HIVEP3: variants seen among roughly 807,000 people sequenced by gnomAD.
HIVEP3 encodes the protein HIVEP zinc finger 3.
In HIVEP3, 49 loss-of-function variants were observed where a neutral mutation model predicts 152.8. The observed-to-expected ratio is 0.32, with a 90% CI of 0.26 to 0.41. HIVEP3 has a LOEUF of 0.41. HIVEP3 is among the 10% of genes least tolerant of loss of function. The pLI is 1.00. For missense variants in HIVEP3, 2,790 were observed against 3,103.3 expected, an observed-to-expected ratio of 0.90 and a Z score of 2.40; for synonymous variants, 1,269 against 1,289.0, an observed-to-expected ratio of 0.98 and a Z score of 0.33.
rs149517891 is a variant in HIVEP3, at chr1:41,582,489, G to A, written c.2309C>T (p.Pro770Leu). ...GGGAGTCCTTGGCTGGAAGCCCGTG[G>A]GTCCCTCCAAGGAGGGCACTGATTT... Reference protein sequence around the residue: ...PSKSVPSLEGPTGFQPRTPKP... With the variant: ...PSKSVPSLEGLTGFQPRTPKP... The change falls in exon 4 of 9, where the codon CCC becomes CTC. Residue 770 changes from proline to leucine, a missense_variant. By Grantham distance (98) the Pro-to-Leu change is moderately conservative (BLOSUM62 -3). Coordinates refer to ENST00000372583, the MANE Select transcript of HIVEP3 (RefSeq NM_024503.5). The surrounding 1 kb of genome is among the most constrained non-coding windows in gnomAD (Gnocchi z 4.7). The A allele has an allele frequency of 4.8e-5, 78 of 1,612,996 alleles. No individual in the cohort carries two copies. Among genetic ancestry groups the A allele is most frequent in the Non-Finnish European group, 6.4e-5 (75 of 1,179,276 alleles).
At chr1:41,895,645 C>G (rs981953825) in intron 1 of HIVEP3, among the ~76,000 whole-genome samples, 1 of 152,158 alleles carries the variant, frequency 6.6e-6, no homozygotes, top group South Asian at 2.1e-4. Context: ...GGACCCCCCG[C>G]AGGCCCAAGG....
chr1:41,884,167 C>T (rs749976366), intron 1 of HIVEP3, among the ~76,000 whole-genome samples: 5 of 152,184 alleles, frequency 3.3e-5, no homozygotes, highest in South Asian at 2.1e-4. Context: ...GGTTTCATCA[C>T]GTTGGCCAGG....
intron 2 of HIVEP3, among the ~76,000 whole-genome samples, chr1:41,643,848 C>T (rs1645415593): frequency 1.3e-5 from 2 of 150,670 alleles, no homozygotes; most frequent in Non-Finnish European, 3.0e-5. Flanking sequence ...CTCTGCCCAC[C>T]CCCCTCACCC....
intron 1 of HIVEP3, among the ~76,000 whole-genome samples, chr1:41,925,572 G>A (rs1644963920): frequency 1.3e-5 from 2 of 152,122 alleles, no homozygotes; most frequent in African/African-American, 2.4e-5. Flanking sequence ...GGGTGGCAGA[G>A]GCATAAGAAA....
intron 1 of HIVEP3, among the ~76,000 whole-genome samples, chr1:41,953,073 G>A (rs1645119911): frequency 6.6e-6 from 1 of 152,176 alleles, no homozygotes; most frequent in Non-Finnish European, 1.5e-5. Flanking sequence ...GTTATGGGCT[G>A]TGGATACTGG....
chr1:42,018,939 T>TACTTTTCATTAAAG (rs1553143549), intron 1 of HIVEP3, among the ~76,000 whole-genome samples: 1 of 152,134 alleles, frequency 6.6e-6, no homozygotes, highest in Non-Finnish European at 1.5e-5. Context: ...TGCTTTGAGA[T>TACTTTTCATTAAAG]ACTTTTCATT....
At position 41,643,890 on chromosome 1, in the gene HIVEP3, C is replaced by CTTTTT. The variant is rs58838768; in HGVS notation, c.-720-14948_-720-14944dup. On this transcript the variant is annotated intron_variant, in intron 2 of 8. Transcript: ENST00000372583. ...CAAATTGTGTCTGCCTTCCCATCCT[C>CTTTTT]TTTTTTTTTTTTTTTTGACAGGGTC... Among the ~76,000 whole-genome samples, 13 of 71,966 alleles carry CTTTTT rather than the reference C, an allele frequency of 1.8e-4. No homozygotes were observed. In the East Asian group the frequency reaches 1.9e-3, roughly 11 times the overall value. 47.2% of individuals were successfully genotyped at this position (71,966 alleles called of 152,430 possible).
chr1:41,735,098 A>G (rs1355687722), intron 1 of HIVEP3, among the ~76,000 whole-genome samples: 2 of 152,214 alleles, frequency 1.3e-5, no homozygotes, highest in Non-Finnish European at 1.5e-5. Flanking sequence ...TGTCTTCAAC[A>G]ACCCTTTGCA....
At chr1:41,882,201 A>T (rs1644272723) in intron 1 of HIVEP3, among the ~76,000 whole-genome samples, 1 of 152,196 alleles carries the variant, frequency 6.6e-6, no homozygotes, top group African/African-American at 2.4e-5. Flanking sequence ...TGTTCCCATG[A>T]TCAGCCAGAG....
At chr1:41,953,934 C>T (rs1645124392) in intron 1 of HIVEP3, among the ~76,000 whole-genome samples, 1 of 152,178 alleles carries the variant, frequency 6.6e-6, no homozygotes, top group East Asian at 1.9e-4. Flanking sequence ...CTTCAGAACC[C>T]AGAACATATT....
chr1:41,932,515 G>A (rs781280903), intron 1 of HIVEP3, among the ~76,000 whole-genome samples: 4 of 151,836 alleles, frequency 2.6e-5, no homozygotes, highest in Non-Finnish European at 2.9e-5. Flanking sequence ...TGTAGGGTCA[G>A]CAGTGATGTC....
intron 2 of HIVEP3, among the ~76,000 whole-genome samples, chr1:41,698,164 G>A (rs1232071356): frequency 2.6e-5 from 4 of 152,136 alleles, no homozygotes; most frequent in African/African-American, 9.7e-5. Flanking sequence ...ATTACCCTCT[G>A]GTGCAGATTC....
At chr1:41,658,546 C>T (rs140372861) in intron 2 of HIVEP3, among the ~76,000 whole-genome samples, 300 of 152,260 alleles carry the variant, frequency 2.0e-3, no homozygotes, top group African/African-American at 6.9e-3. Flanking sequence ...GCTACACCCC[C>T]GGGCCTTGAA....
At chr1:41,707,915 C>CT (rs1287437982) in intron 1 of HIVEP3, among the ~76,000 whole-genome samples, 1 of 152,250 alleles carries the variant, frequency 6.6e-6, no homozygotes, top group Non-Finnish European at 1.5e-5. Flanking sequence ...GAACCCTGGC[C>CT]TGTCAGGAGT....
At chr1:42,008,614 A>G (rs978364040) in intron 1 of HIVEP3, among the ~76,000 whole-genome samples, 3 of 152,138 alleles carry the variant, frequency 2.0e-5, no homozygotes, top group Admixed American at 6.5e-5. Context: ...TTGGCTGGAG[A>G]TATCCTTTAA....
chr1:41,781,325 C>CCCT (rs1431286127), intron 1 of HIVEP3, among the ~76,000 whole-genome samples: 1 of 152,200 alleles, frequency 6.6e-6, no homozygotes, highest in African/African-American at 2.4e-5. Flanking sequence ...CCCAGCTCCT[C>CCCT]CCTCCTGCTC....
chr1:41,711,586 C>G (rs1313367662), intron 1 of HIVEP3, among the ~76,000 whole-genome samples: 1 of 152,208 alleles, frequency 6.6e-6, no homozygotes, highest in Non-Finnish European at 1.5e-5. Context: ...GGGTTGATAA[C>G]ACCGATCCTG....
At chr1:41,544,894 C>T (rs1173691133) in intron 5 of HIVEP3, among the ~76,000 whole-genome samples, 2 of 36,620 alleles carry the variant, frequency 5.5e-5, no homozygotes, top group Non-Finnish European at 1.3e-4. Context: ...TCTACCACCA[C>T]CATCACCACC....
rs1448994626 is a variant in HIVEP3 at position 41,583,321 on chromosome 1, T to C, written c.1477A>G (p.Arg493Gly). The C allele has an allele frequency of 1.2e-6, 2 of 1,611,052 alleles. No individual in the cohort carries two copies. Reference protein sequence around the residue: ...SVKPRRSSLSRRSSMESPKSS... With the variant: ...SVKPRRSSLSGRSSMESPKSS... ...TTTGGGGACTCCATGCTGCTGCGCC[T>C]GGACAGTGAGCTCCGCCTTGGCTTC... Residue 493 changes from arginine to glycine, a missense_variant, in exon 4 of 9, where the codon AGG (arginine) becomes GGG (glycine). This residue lies in a region of HIVEP3 where 134 missense variants were observed against 242.5 expected (regional missense o/e 0.55). Coordinates refer to ENST00000372583, the MANE Select transcript of HIVEP3 (RefSeq NM_024503.5). This position sits in a 1 kb window ranked among gnomAD's most constrained non-coding sequence, Gnocchi z 6.9.
Sources: gnomAD v4.1 joint callset for allele counts (sites outside exome capture counted in the v4.1 genomes callset) on GRCh38, gnomAD v4.1.1 for gene constraint, gnomAD v4.1.1 regional missense constraint, Gnocchi (gnomAD v3.1) non-coding constraint, MANE v1.5 for transcripts, NCBI Gene and HGNC (gene_info 2026-07-23, HGNC 2026-07-21) for gene names.